Variants in SFXN5 observed in about 807,000 individuals in gnomAD.
The protein encoded by SFXN5 is sideroflexin-5.
Under a neutral mutation model 50.2 loss-of-function variants are expected in SFXN5, and 43 were observed. That is an observed-to-expected ratio of 0.86 (90% CI 0.67 to 1.11). The LOEUF (loss-of-function observed/expected upper bound fraction) is 1.11. Among genes scored for constraint, SFXN5 ranks in the 50% least tolerant of loss-of-function variants. SFXN5 has a pLI of 0.00. For synonymous variants in SFXN5, 203 were observed against 185.8 expected, an observed-to-expected ratio of 1.09 and a Z score of -0.75; for missense variants, 463 against 454.1, an observed-to-expected ratio of 1.02 and a Z score of -0.18.
chr2:73,036,455 C>T (rs1678995156), intron 3 of SFXN5, among the ~76,000 whole-genome samples: 1 of 152,172 alleles, frequency 6.6e-6, no homozygotes, highest in African/African-American at 2.4e-5. Context: ...GCAGGCATCA[C>T]CAACATGAGC....
intron 3 of SFXN5, among the ~76,000 whole-genome samples, chr2:73,028,295 C>CA (rs1677856690): frequency 6.6e-6 from 1 of 152,230 alleles, no homozygotes; most frequent in South Asian, 2.1e-4. Context: ...GAATGGAGCA[C>CA]ATGCTGGCGG....
rs991476763 is a variant in SFXN5 at position 72,950,510 on chromosome 2, T to C, written c.946-5411A>G. On this transcript the variant is annotated intron_variant, in intron 13 of 13. Transcript: ENST00000272433. This position sits in a 1 kb window ranked among gnomAD's most constrained non-coding sequence, Gnocchi z 4.2. ...TAGGTCTCATGGGTATTGGGACCAC[T>C]GGGGTACTCCCTGCTGGGCTTGGCT... 2.0e-5 allele frequency among the ~76,000 whole-genome samples: 3 copies of C among 152,204 alleles called. No individual in the cohort carries two copies. Among genetic ancestry groups the C allele is most frequent in the Admixed American group, 6.5e-5 (1 of 15,284 alleles).
At chr2:73,018,820 T>C (rs1238343370) in intron 6 of SFXN5, among the ~76,000 whole-genome samples, 1 of 152,218 alleles carries the variant, frequency 6.6e-6, no homozygotes, top group African/African-American at 2.4e-5. Context: ...TCTTCAGCTT[T>C]ATAAGAAACT....
chr2:72,995,496 CCT>C (rs1250333681), intron 9 of SFXN5, among the ~76,000 whole-genome samples: 2 of 152,108 alleles, frequency 1.3e-5, no homozygotes, highest in African/African-American at 2.4e-5. Flanking sequence ...GGTCAGGGCT[CCT>C]CTGAGTGGGG....
At chr2:73,059,358 A>G (rs1682557625) in intron 1 of SFXN5, 2 of 985,400 alleles carry the variant, frequency 2.0e-6, no homozygotes, top group Non-Finnish European at 2.4e-6. Context: ...GGAAGCTGCA[A>G]TCGCTGGGGT....
chr2:72,989,148 C>T (rs1672269292), intron 9 of SFXN5, among the ~76,000 whole-genome samples: 1 of 152,178 alleles, frequency 6.6e-6, no homozygotes, highest in African/African-American at 2.4e-5. Context: ...CCCTCTCCCC[C>T]AAAAACCCAA....
rs373445187 is a variant in SFXN5, at chr2:73,050,502, G to C, written c.171+8026C>G. ...GAGCAGTGGCCCAAGCTGCACCTGG[G>C]TCTGCCTGAGCCACAGCTGGGGTGG... On this transcript the variant is annotated intron_variant, in intron 2 of 13. Transcript: ENST00000272433. Among the ~76,000 whole-genome samples the C allele has an allele frequency of 1.9e-3, 287 of 152,272 alleles. 3 individuals are homozygous for C. Among genetic ancestry groups the C allele is most frequent in the Middle Eastern group, 6.8e-3 (2 of 294 alleles).
At chr2:72,952,544 A>G (rs1275393664) in intron 13 of SFXN5, among the ~76,000 whole-genome samples, 1 of 152,130 alleles carries the variant, frequency 6.6e-6, no homozygotes, top group Non-Finnish European at 1.5e-5. Context: ...CCTGTCTTAC[A>G]CTTTTCCGGC....
chr2:73,053,869 G>A (rs556064498), intron 2 of SFXN5, among the ~76,000 whole-genome samples: 14 of 152,154 alleles, frequency 9.2e-5, no homozygotes, highest in Non-Finnish European at 1.6e-4. Flanking sequence ...CAACCACCCC[G>A]TGCTCCCTCC....
intron 1 of SFXN5, among the ~76,000 whole-genome samples, chr2:73,062,090 C>A (rs1245149594): frequency 6.6e-6 from 1 of 152,174 alleles, no homozygotes; most frequent in Non-Finnish European, 1.5e-5. Context: ...GCACTCCAGC[C>A]TGGGTGACAG....
At chr2:73,016,169 G>A (rs1326380203) in intron 6 of SFXN5, among the ~76,000 whole-genome samples, 1 of 151,886 alleles carries the variant, frequency 6.6e-6, no homozygotes, top group Non-Finnish European at 1.5e-5. Flanking sequence ...AATCTTTCTA[G>A]AAATGTCTAT....
At chr2:73,052,827 A>G (rs1182655497) in intron 2 of SFXN5, among the ~76,000 whole-genome samples, 1 of 152,176 alleles carries the variant, frequency 6.6e-6, no homozygotes, top group African/African-American at 2.4e-5. Context: ...AGTTTCCTTC[A>G]TTGAAAATAA....
intron 8 of SFXN5, among the ~76,000 whole-genome samples, chr2:72,999,557 C>T (rs1673646750): frequency 3.3e-5 from 5 of 151,854 alleles, no homozygotes; most frequent in Admixed American, 3.3e-4. Flanking sequence ...TTGCCCTGTG[C>T]TACAACTGCA....
At chr2:72,995,859 GC>G (rs1673156959) in intron 9 of SFXN5, among the ~76,000 whole-genome samples, 1 of 152,210 alleles carries the variant, frequency 6.6e-6, no homozygotes, top group Admixed American at 6.5e-5. Context: ...CAAGCAAGCT[GC>G]CGATTTTCCA....
chr2:72,985,050 AC>A (rs763421990), intron 10 of SFXN5, among the ~76,000 whole-genome samples: 5 of 151,854 alleles, frequency 3.3e-5, no homozygotes, highest in South Asian at 2.1e-4. Flanking sequence ...CCTCTTCAGG[AC>A]CCCCATCACC....
chr2:73,059,974 T>A, intron 1 of SFXN5: 2 of 642,892 alleles, frequency 3.1e-6, no homozygotes, highest in Non-Finnish European at 3.9e-6. Context: ...ATGCAGCCTT[T>A]AAAACTATGT....
At chr2:72,978,489 G>A (rs1670910099) in intron 10 of SFXN5, among the ~76,000 whole-genome samples, 1 of 152,006 alleles carries the variant, frequency 6.6e-6, no homozygotes, top group Non-Finnish European at 1.5e-5. Context: ...CACCATGTTG[G>A]CTAAGCTGGT....
At chr2:72,979,508 C>T (rs901442231) in intron 10 of SFXN5, among the ~76,000 whole-genome samples, 2 of 152,110 alleles carry the variant, frequency 1.3e-5, no homozygotes, top group Non-Finnish European at 2.9e-5. Context: ...GTGGCATGCA[C>T]CTGTAATCCC....
intron 6 of SFXN5, among the ~76,000 whole-genome samples, chr2:73,015,268 C>T (rs1250447971): frequency 6.6e-6 from 1 of 152,170 alleles, no homozygotes; most frequent in Admixed American, 6.5e-5. Flanking sequence ...AATATTAATA[C>T]ATTCTCTAAT....
Sources: allele counts gnomAD v4.1 joint callset (sites outside exome capture counted in the v4.1 genomes callset), GRCh38; gene constraint gnomAD v4.1.1; non-coding constraint Gnocchi (gnomAD v3.1); transcripts MANE v1.5; gene names NCBI Gene and HGNC (gene_info 2026-07-23, HGNC 2026-07-21).